Variants in EPS15L1 observed in about 807,000 individuals in gnomAD.
EPS15L1 encodes the protein epidermal growth factor receptor substrate 15-like 1.
In EPS15L1, 43 loss-of-function variants were observed where a neutral mutation model predicts 117.1. The ratio of observed to expected loss-of-function variants is 0.37; its 90% CI spans 0.29 to 0.47. The LOEUF is 0.47. Among genes scored for constraint, EPS15L1 ranks in the 20% least tolerant of loss-of-function variants. The pLI, the probability that EPS15L1 is intolerant of heterozygous loss-of-function variation, is 0.99. For missense variants in EPS15L1, 981 were observed against 1,164.0 expected (o/e 0.84, Z 2.29); for synonymous variants, 459 against 470.5 (o/e 0.98, Z 0.32).
At chr19:16,372,397 CA>C (rs2144679139) in intron 22 of EPS15L1, among the ~76,000 whole-genome samples, 1 of 152,356 alleles carries the variant, frequency 6.6e-6, no homozygotes, top group South Asian at 2.1e-4. Context: ...TTGAAAACTG[CA>C]GCCTCTAGAA....
chr19:16,402,037 C>G (rs1370134603), intron 16 of EPS15L1: 16 of 1,171,482 alleles, frequency 1.4e-5, no homozygotes, highest in Middle Eastern at 3.5e-4. Context: ...GGGTGGTTGG[C>G]CCAATGTAAA....
At chr19:16,420,158 T>C (rs1166552004) in intron 10 of EPS15L1, among the ~76,000 whole-genome samples, 1 of 152,242 alleles carries the variant, frequency 6.6e-6, no homozygotes, top group African/African-American at 2.4e-5. Flanking sequence ...CTCATGGTTA[T>C]TCAAGAGCCT....
At chr19:16,450,795 A>G (rs115077875) in intron 1 of EPS15L1, among the ~76,000 whole-genome samples, 2,044 of 151,350 alleles carry the variant, frequency 0.014, 40 homozygotes, top group African/African-American at 0.047. Flanking sequence ...GGCATGTCCA[A>G]CTTCTGCTGG....
chr19:16,440,972 A>G, intron 3 of EPS15L1, 63 bp from the exon 4 acceptor site: 1 of 1,535,788 alleles, frequency 6.5e-7, no homozygotes, highest in African/African-American at 1.4e-5. Flanking sequence ...GTTAACAAAA[A>G]CCAGAGCCGC....
rs147174754 is a variant in EPS15L1, at chr19:16,392,291, C to T, written c.2103+13G>A. 7.1e-5 allele frequency: 115 copies of T among 1,613,902 alleles called. 1 individual carries two copies. The African/African-American group carries it at 1.2e-3, about 17-fold the overall frequency. ...GCACGCAGCTCTCCCGGGCAACGTC[C>T]CACCCCACTCACCTTCGAAGGTAAG... On this transcript the variant is annotated intron_variant, in intron 19 of 23. Transcript: ENST00000455140.
intron 8 of EPS15L1, among the ~76,000 whole-genome samples, chr19:16,426,285 G>A (rs1211228840): frequency 1.3e-5 from 2 of 152,224 alleles, no homozygotes; most frequent in Admixed American, 6.5e-5. Flanking sequence ...AGAGGACCTG[G>A]CAGCCAGGCC....
chr19:16,415,030 A>C (rs2092744912), intron 12 of EPS15L1, among the ~76,000 whole-genome samples: 1 of 152,158 alleles, frequency 6.6e-6, no homozygotes, highest in Non-Finnish European at 1.5e-5. Context: ...AAACTGAGAT[A>C]GAATTCGTGC....
chr19:16,470,556 AC>A (rs1352503941), intron 1 of EPS15L1, among the ~76,000 whole-genome samples: 6 of 131,748 alleles, frequency 4.6e-5, no homozygotes, highest in African/African-American at 1.7e-4. Context: ...AGCTATTAAC[AC>A]CTATTATCGG....
intron 13 of EPS15L1, among the ~76,000 whole-genome samples, chr19:16,411,371 T>G (rs550303021): frequency 7.9e-5 from 12 of 152,312 alleles, no homozygotes; most frequent in Non-Finnish European, 1.5e-4. Context: ...AGTGTCAAAC[T>G]CTTCCACTCA....
At chr19:16,452,184 G>A (rs1265847222) in intron 1 of EPS15L1, among the ~76,000 whole-genome samples, 3 of 148,962 alleles carry the variant, frequency 2.0e-5, no homozygotes, top group Admixed American at 6.7e-5. Flanking sequence ...AGTGGCTCAC[G>A]CCTGTCATCC....
intron 7 of EPS15L1, among the ~76,000 whole-genome samples, chr19:16,432,824 CAG>C (rs2092942617): frequency 6.6e-6 from 1 of 152,010 alleles, no homozygotes; most frequent in Non-Finnish European, 1.5e-5. Flanking sequence ...TTTTTTTAAA[CAG>C]AGTCTCAATC....
intron 21 of EPS15L1, among the ~76,000 whole-genome samples, chr19:16,379,575 A>C (rs1599548631): frequency 6.6e-6 from 1 of 152,286 alleles, no homozygotes; most frequent in South Asian, 2.1e-4. Flanking sequence ...CTCTGCCTCC[A>C]GCATCTAGTC....
intron 15 of EPS15L1, among the ~76,000 whole-genome samples, chr19:16,403,230 G>GCC (rs143206632): frequency 1.3e-5 from 2 of 151,558 alleles, no homozygotes; most frequent in Middle Eastern, 3.2e-3. Context: ...AGAAGCCAGC[G>GCC]CCCCCCCCTG....
chr19:16,419,340 T>A (rs1448743992), intron 10 of EPS15L1, among the ~76,000 whole-genome samples: 1 of 152,006 alleles, frequency 6.6e-6, no homozygotes, highest in African/African-American at 2.4e-5. Flanking sequence ...GCGCCTGTAA[T>A]CCCAGCTGCT....
intron 16 of EPS15L1, among the ~76,000 whole-genome samples, chr19:16,396,126 A>T (rs2092538455): frequency 6.6e-6 from 1 of 152,184 alleles, no homozygotes; most frequent in Admixed American, 6.5e-5. Context: ...AATTAATTAA[A>T]GATCATTGAA....
intron 18 of EPS15L1, among the ~76,000 whole-genome samples, chr19:16,393,670 T>A (rs867674974): frequency 8.9e-4 from 131 of 147,396 alleles, no homozygotes; most frequent in African/African-American, 2.3e-3. Flanking sequence ...AAATAAAAAA[T>A]AAATAAATAA....
intron 1 of EPS15L1, among the ~76,000 whole-genome samples, chr19:16,467,648 A>G (rs1191519691): frequency 6.6e-6 from 1 of 152,226 alleles, no homozygotes; most frequent in Non-Finnish European, 1.5e-5. Context: ...TTTAGACTGC[A>G]TTGCCATTAG....
intron 12 of EPS15L1, chr19:16,417,334 CA>C: frequency 1.9e-6 from 1 of 527,616 alleles, no homozygotes; most frequent in East Asian, 3.4e-5. Context: ...TGAGACCACA[CA>C]GATGCTACGG....
intron 21 of EPS15L1, among the ~76,000 whole-genome samples, chr19:16,379,074 C>A (rs960092457): frequency 6.6e-6 from 1 of 152,116 alleles, no homozygotes; most frequent in Non-Finnish European, 1.5e-5. Flanking sequence ...GAGGCCGAGG[C>A]GGGCAGATCA....
Sources: allele counts gnomAD v4.1 joint callset (sites outside exome capture counted in the v4.1 genomes callset), GRCh38; gene constraint gnomAD v4.1.1; transcripts MANE v1.5; gene names NCBI Gene and HGNC (gene_info 2026-07-23, HGNC 2026-07-21).